The following ARHGAP26 variants were observed in gnomAD, a reference collection of about 807,000 sequenced individuals.
The protein encoded by ARHGAP26 is Rho GTPase activating protein 26, also known as rho GTPase-activating protein 26.
In ARHGAP26, 38 loss-of-function variants were observed where a neutral mutation model predicts 104.8. That is an observed-to-expected ratio of 0.36 (90% confidence interval 0.28 to 0.48). The LOEUF (loss-of-function observed/expected upper bound fraction) is 0.48, where lower values mean the gene tolerates loss of function less well. Ranked by LOEUF, ARHGAP26 falls within the 20% of genes least tolerant of loss-of-function variation. ARHGAP26 has a pLI of 0.99. For synonymous variants in ARHGAP26, 341 were observed against 340.0 expected, an observed-to-expected ratio of 1.00 and a Z score of -0.03; for missense variants, 704 against 947.9, an observed-to-expected ratio of 0.74 and a Z score of 3.38.
At chr5:142,789,580 A>G (rs760026443) in intron 1 of ARHGAP26, among the ~76,000 whole-genome samples, 1 of 152,214 alleles carries the variant, frequency 6.6e-6, no homozygotes, top group Non-Finnish European at 1.5e-5. Context: ...TTTGAGTCTA[A>G]TGTAAGTATC....
intron 11 of ARHGAP26, among the ~76,000 whole-genome samples, chr5:142,980,544 A>C (rs1773791255): frequency 6.6e-6 from 1 of 151,828 alleles, no homozygotes; most frequent in Admixed American, 6.6e-5. Context: ...GCCCACCACC[A>C]CACCCAGCTG....
At chr5:143,043,774 A>T (rs1370562202) in intron 14 of ARHGAP26, among the ~76,000 whole-genome samples, 3 of 152,142 alleles carry the variant, frequency 2.0e-5, no homozygotes, top group Non-Finnish European at 4.4e-5. Context: ...AGGAGTCCTG[A>T]TAGGGTGAAA....
At chr5:143,133,732 G>T (rs1192730137) in intron 18 of ARHGAP26, among the ~76,000 whole-genome samples, 1 of 152,146 alleles carries the variant, frequency 6.6e-6, no homozygotes, top group Non-Finnish European at 1.5e-5. Flanking sequence ...TGGCAGAAGA[G>T]GTTAGAAATG....
intron 17 of ARHGAP26, among the ~76,000 whole-genome samples, chr5:143,113,263 A>C (rs1794984941): frequency 6.6e-6 from 1 of 152,196 alleles, no homozygotes; most frequent in Non-Finnish European, 1.5e-5. Flanking sequence ...TTCAGTACCA[A>C]GTGGGCCTCT....
intron 17 of ARHGAP26, chr5:143,058,009 G>A: frequency 1.6e-6 from 1 of 626,206 alleles, no homozygotes; most frequent in Non-Finnish European, 3.1e-6. Flanking sequence ...TACCTATGGT[G>A]ATCAAGGGCA....
At chr5:142,834,899 T>C (rs1227368809) in intron 1 of ARHGAP26, among the ~76,000 whole-genome samples, 1 of 152,206 alleles carries the variant, frequency 6.6e-6, no homozygotes, top group Admixed American at 6.5e-5. Context: ...CCATTAGCAA[T>C]CTACCATATC....
In ARHGAP26 at chr5:143,147,368, C is replaced by T. The variant is rs35543343; in HGVS notation, c.1975C>T (p.Arg659Trp). 36 of 1,613,214 alleles carry T rather than the reference C, an allele frequency of 2.2e-5. No individual in the cohort carries two copies. Among genetic ancestry groups the T allele is most frequent in the Admixed American group, 2.0e-4 (12 of 59,890 alleles). ...DPDLAVVKPT[R>W]PNSLPPNPSP... is the part of the protein sequence containing the mutation. ...AGACCTGGCTGTGGTCAAACCCACC[C>T]GGCCCAACTCACTGTAAGTATGATG... The change falls in exon 20 of 23, where the codon CGG becomes TGG. Residue 659 changes from arginine (R) to tryptophan (W), a missense_variant. Around this residue, in one of 6 missense-constraint regions of ARHGAP26, gnomAD observed 217 missense variants for 242.6 expected, o/e 0.89. Transcript: ENST00000645722.
intron 21 of ARHGAP26, among the ~76,000 whole-genome samples, chr5:143,210,717 G>A (rs1281599428): frequency 1.3e-5 from 2 of 152,208 alleles, no homozygotes; most frequent in African/African-American, 4.8e-5. Flanking sequence ...TCCCTGTAGT[G>A]CCATATGATG....
intron 20 of ARHGAP26, among the ~76,000 whole-genome samples, chr5:143,183,562 C>T (rs1490706657): frequency 6.6e-6 from 1 of 152,178 alleles, no homozygotes; most frequent in Non-Finnish European, 1.5e-5. Context: ...CATCCTGTGC[C>T]GGGGAGCAGC....
At chr5:142,897,210 A>AT (rs1759593943) in intron 6 of ARHGAP26, among the ~76,000 whole-genome samples, 1 of 152,208 alleles carries the variant, frequency 6.6e-6, no homozygotes, top group Middle Eastern at 3.2e-3. Context: ...ATTTAAAAGT[A>AT]TAACCATCGT....
chr5:142,864,938 G>T (rs1056294681), intron 1 of ARHGAP26, among the ~76,000 whole-genome samples: 8 of 152,194 alleles, frequency 5.3e-5, no homozygotes, highest in Non-Finnish European at 1.0e-4. Flanking sequence ...CTTGCCCCGT[G>T]TGTGTGTGAT....
At chr5:142,964,489 A>G (rs1770927532) in intron 11 of ARHGAP26, among the ~76,000 whole-genome samples, 2 of 152,216 alleles carry the variant, frequency 1.3e-5, no homozygotes, top group South Asian at 4.1e-4. Context: ...AGTTCTAGCT[A>G]GATACTTTGG....
intron 12 of ARHGAP26, among the ~76,000 whole-genome samples, chr5:143,027,632 A>C (rs1781255673): frequency 6.6e-6 from 1 of 152,224 alleles, no homozygotes; most frequent in Non-Finnish European, 1.5e-5. Flanking sequence ...TATTCATTAA[A>C]ATAAAAGTAT....
At chr5:143,067,803 C>A (rs74790770) in intron 17 of ARHGAP26, among the ~76,000 whole-genome samples, 3,215 of 152,234 alleles carry the variant, frequency 0.021, 46 homozygotes, top group Middle Eastern at 0.082. Context: ...CCCTAGGCCT[C>A]AAAAATCAGT....
chr5:142,843,343 C>T (rs1771194316), intron 1 of ARHGAP26, among the ~76,000 whole-genome samples: 1 of 152,168 alleles, frequency 6.6e-6, no homozygotes, highest in Non-Finnish European at 1.5e-5. Context: ...GAGTGGAGTT[C>T]AGGGATGCAG....
At position 142,987,208 on chromosome 5, in the gene ARHGAP26, C is replaced by T. The variant is rs528367285; in HGVS notation, c.1108-26872C>T. 2.0e-5 allele frequency among the ~76,000 whole-genome samples: 3 copies of T among 152,298 alleles called. No homozygotes were observed. In the South Asian group the frequency reaches 6.2e-4, roughly 32 times the overall value. On this transcript the variant is annotated intron_variant, in intron 11 of 22. Transcript: ENST00000645722. ...TGTAGTTCTCCTTGAAGAGGTCCTTCACGTCCCTTGTAAGTTGGATTCCTA... is the reference window on the plus strand; with the variant it reads ...TGTAGTTCTCCTTGAAGAGGTCCTTTACGTCCCTTGTAAGTTGGATTCCTA...
intron 1 of ARHGAP26, among the ~76,000 whole-genome samples, chr5:142,793,109 A>G (rs1051370664): frequency 6.6e-6 from 1 of 152,078 alleles, no homozygotes; most frequent in African/African-American, 2.4e-5. Context: ...TGGGACCGCA[A>G]ACAGTACATG....
rs70991793 is a variant in ARHGAP26 at position 143,106,466 on chromosome 5, C to CTTTTTTTT, written c.1539-14505_1539-14498dup. Among the ~76,000 whole-genome samples the CTTTTTTTT allele has an allele frequency of 4.5e-4, 35 of 77,306 alleles. 1 individual carries two copies. The highest frequency in any genetic ancestry group is 4.2e-3 in the East Asian group (9 of 2,130). The allele number at this position is 77,306 out of a possible 152,430, so 50.7% of individuals were successfully genotyped here. Reference sequence around the variant, plus strand: ...CTCCTTTGGAATACAATGCATTGGGCTTTTTTTTTTTTTTTTTTTTTTTTG... The same window carrying CTTTTTTTT: ...CTCCTTTGGAATACAATGCATTGGGCTTTTTTTTTTTTTTTTTTTTTTTTTTTTTTTTG... On this transcript the variant is annotated intron_variant, in intron 17 of 22. Transcript: ENST00000645722.
rs142124555 is a variant in ARHGAP26, at chr5:142,845,337, C to G, written c.155-28063C>G. On this transcript the variant is annotated intron_variant, in intron 1 of 22. Coordinates refer to ENST00000645722, the MANE Select transcript of ARHGAP26 (RefSeq NM_001135608.3). ...CTTCCGGGTGGGTATTTGTTATCAC[C>G]CTGCTTCACAGATGAGGAAGCTGAG... Among the ~76,000 whole-genome samples, 54 of 152,118 alleles carry G rather than the reference C, an allele frequency of 3.5e-4. 1 individual carries two copies. The East Asian group carries it at 9.8e-3, about 28-fold the overall frequency.
Sources: allele counts gnomAD v4.1 joint callset (sites outside exome capture counted in the v4.1 genomes callset), GRCh38; gene constraint gnomAD v4.1.1; regional missense constraint gnomAD v4.1.1; transcripts MANE v1.5; gene names NCBI Gene and HGNC (gene_info 2026-07-23, HGNC 2026-07-21).